The following PLEC variants were observed in gnomAD, a reference collection of about 807,000 sequenced individuals.
PLEC encodes hemidesmosomal protein 1.
A neutral mutation model predicts 392.8 loss-of-function variants in PLEC; 216 were observed. That is an observed-to-expected ratio of 0.55 (90% CI 0.49 to 0.62). The LOEUF (loss-of-function observed/expected upper bound fraction) is 0.62, where lower values mean the gene tolerates loss of function less well. Among genes scored for constraint, PLEC ranks in the 20% least tolerant of loss-of-function variants. The probability of loss-of-function intolerance (pLI) is 0.00; values close to 1 mark genes in which losing one functional copy is unlikely to be tolerated. For missense variants in PLEC, 6,863 were observed against 6,563.4 expected (o/e 1.05, Z -1.58); for synonymous variants, 3,621 against 2,980.6 (o/e 1.21, Z -7.00).
intron 1 of PLEC, among the ~76,000 whole-genome samples, chr8:143,947,705 G>T (rs1831662976): frequency 6.6e-6 from 1 of 152,194 alleles, no homozygotes; most frequent in Non-Finnish European, 1.5e-5. Context: ...AGCCAAGACT[G>T]TGCTATTGCA....
In PLEC at chr8:143,927,481, G is replaced by A. The variant is rs781861123; in HGVS notation, c.3685C>T (p.Arg1229Trp). 46 of 1,596,580 alleles carry A rather than the reference G, an allele frequency of 2.9e-5. No homozygotes were observed. The highest frequency in any genetic ancestry group is 1.7e-4 in the Middle Eastern group (1 of 6,044). Residue 1229 changes from arginine (R) to tryptophan (W), a missense_variant, in exon 27 of 32, where the codon CGG becomes TGG. Transcript: ENST00000345136. ...GGCATGGCCTGGATCTGCTCCTGCCGCCGCCTGGCGTCCTGCAGCCAGGCG... is the reference window on the plus strand; with the variant it reads ...GGCATGGCCTGGATCTGCTCCTGCCACCGCCTGGCGTCCTGCAGCCAGGCG... ...LGAWLQDARRRQEQIQAMPLA... is the reference protein window; with the variant it reads ...LGAWLQDARRWQEQIQAMPLA...
chr8:143,973,648 G>A (rs1833552978), upstream of PLEC: 1 of 557,460 alleles, frequency 1.8e-6, no homozygotes, highest in East Asian at 1.4e-4. This position sits in a 1 kb window ranked among gnomAD's most constrained non-coding sequence, Gnocchi z 5.6. Context: ...CCGGGCAGAG[G>A]GAGCCGCGTC....
intron 1 of PLEC, among the ~76,000 whole-genome samples, chr8:143,949,254 A>C (rs1831847972): frequency 6.6e-6 from 1 of 152,182 alleles, no homozygotes; most frequent in Non-Finnish European, 1.5e-5. Context: ...CCCCTTCTTC[A>C]GCCTGAGAGA....
Position 143,933,250 on chromosome 8 carries a change from G to GGA in PLEC, c.1364_1365insTC (p.Val456ProfsTer28). The GGA allele has an allele frequency of 6.2e-7, 1 of 1,613,138 alleles. No homozygotes were observed. The highest frequency in any genetic ancestry group is 8.5e-7 in the Non-Finnish European group (1 of 1,179,980). ...GCCGTCCATCCTTGAGGGTCTGCAC[G>GGA]TCGTTGAAGAGCAGCCGGATCATGC... On this transcript the variant is annotated frameshift_variant, in exon 13 of 32. Coordinates refer to ENST00000345136, the MANE Select transcript of PLEC (RefSeq NM_201384.3). LOFTEE classifies it high-confidence loss of function.
intron 1 of PLEC, among the ~76,000 whole-genome samples, chr8:143,963,809 A>ATT (rs1190132489): frequency 0.12 from 14,706 of 119,792 alleles, 1,280 homozygotes; most frequent in African/African-American, 0.15. Flanking sequence ...CACCTGGCTA[A>ATT]TTTTTTTTTT....
Position 143,919,971 on chromosome 8 carries a change from C to T in PLEC, c.9850G>A (p.Val3284Ile), listed in dbSNP as rs1554680023. 6 of 1,613,256 alleles carry T rather than the reference C, an allele frequency of 3.7e-6. No individual in the cohort carries two copies. The highest frequency in any genetic ancestry group is 2.2e-5 in the South Asian group (2 of 91,086). Residue 3284 changes from valine to isoleucine, a missense_variant, in exon 32 of 32, where the codon GTC (valine) becomes ATC (isoleucine). Coordinates refer to ENST00000345136, the MANE Select transcript of PLEC (RefSeq NM_201384.3). ...ACGATGGTAATGAGAATCTTGATGACCTTCTCCACGGTGACCTTGCCCGTG... is the reference window on the plus strand; with the variant it reads ...ACGATGGTAATGAGAATCTTGATGATCTTCTCCACGGTGACCTTGCCCGTG... ...FRTGKVTVEK[V>I]IKILITIVEE... is the part of the protein sequence containing the mutation.
At chr8:143,947,796 T>C (rs782567279) in intron 1 of PLEC, among the ~76,000 whole-genome samples, 2 of 152,036 alleles carry the variant, frequency 1.3e-5, no homozygotes, top group Non-Finnish European at 2.9e-5. Flanking sequence ...AACTCACATA[T>C]AAAAACACAT....
chr8:143,934,076 C>T lies in PLEC; in HGVS notation c.1185G>A (p.Gln395=), dbSNP rs1554720228. Residue 395 remains glutamine (Q), a synonymous_variant, in exon 12 of 32, where the codon CAG becomes CAA. Coordinates refer to ENST00000345136, the MANE Select transcript of PLEC (RefSeq NM_201384.3). ...RSEFERLECL[Q]RIVTKLQMEA... is the part of the protein sequence containing the mutation. ...CCATCTGCAGCTTGGTCACGATGCGCTGAAGACACTCCAGCCTGCAGCAGC... is the reference window on the plus strand; with the variant it reads ...CCATCTGCAGCTTGGTCACGATGCGTTGAAGACACTCCAGCCTGCAGCAGC... 6.2e-7 allele frequency: 1 copy of T among 1,611,664 alleles called. No homozygotes were observed. The highest frequency in any genetic ancestry group is 1.1e-5 in the South Asian group (1 of 90,940).
chr8:143,930,434 T>G lies in PLEC; in HGVS notation c.2407A>C (p.Met803Leu), dbSNP rs1554713831. The G allele has an allele frequency of 6.4e-7, 1 of 1,574,150 alleles. No individual in the cohort carries two copies. Among genetic ancestry groups the G allele is most frequent in the East Asian group, 2.3e-5 (1 of 42,604 alleles). ...GCCAGCAGGGGCAGGCGGCCCCGCATGGGGTGGGCTGGGTGGCGGGGCTTC... is the reference window on the plus strand; with the variant it reads ...GCCAGCAGGGGCAGGCGGCCCCGCAGGGGGTGGGCTGGGTGGCGGGGCTTC... ...QLKPRHPAHPMRGRLPLLAVC... is the reference protein window; with the variant it reads ...QLKPRHPAHPLRGRLPLLAVC... Residue 803 changes from methionine (M) to leucine (L), a missense_variant, in exon 20 of 32, where the codon ATG (methionine) becomes CTG (leucine). Transcript: ENST00000345136.
chr8:143,952,181 A>C (rs797031235), upstream of PLEC, among the ~76,000 whole-genome samples: 19 of 140,308 alleles, frequency 1.4e-4, no homozygotes, highest in African/African-American at 5.2e-4. Context: ...GCAGGCTCCA[A>C]ACACACACAC....
rs181448596 is a variant in PLEC at position 143,961,470 on chromosome 8, C to A, written c.70+11933G>T. On this transcript the variant is annotated intron_variant, in intron 1 of 31. Coordinates refer to the PLEC transcript ENST00000356346. ...CGTACTCCTGACCTCGTGATCTGCC[C>A]AACTCGGCCCCCCAAAGTGTTGGGA... Among the ~76,000 whole-genome samples the A allele has an allele frequency of 2.3e-3, 348 of 152,282 alleles. 1 individual carries two copies. Among genetic ancestry groups the A allele is most frequent in the African/African-American group, 7.6e-3 (316 of 41,546 alleles).
intron 1 of PLEC, among the ~76,000 whole-genome samples, chr8:143,949,074 G>C (rs1831827183): frequency 2.6e-5 from 4 of 152,224 alleles, no homozygotes; most frequent in Admixed American, 1.3e-4. Flanking sequence ...GATCCTCCCA[G>C]ATGGGCCCAA....
At position 143,939,382 on chromosome 8, in the gene PLEC, A is replaced by T; in HGVS notation, c.80T>A (p.Leu27Gln). The change falls in exon 1 of 32, where the codon CTG becomes CAG. Residue 27 changes from leucine to glutamine, a missense_variant. Leu to Gln is a moderately radical substitution (Grantham distance 113, BLOSUM62 -2). Transcript: ENST00000345136. ...KRTSSEDNLY[L>Q]AVLRASEGKK... The stretch of plus-strand genomic sequence containing the variant: ...GCCCTCAGAGGCCCTGAGCACAGCC[A>T]GGTACAGGTTGTCCTCCGAGCTGGT... The T allele has an allele frequency of 6.2e-7, 1 of 1,612,716 alleles. No homozygotes were observed. Among genetic ancestry groups the T allele is most frequent in the African/African-American group, 1.3e-5 (1 of 75,040 alleles).
Position 143,916,083 on chromosome 8 carries a change from G to T in PLEC, c.*94C>A. The T allele has an allele frequency of 2.5e-6, 2 of 805,850 alleles. No individual in the cohort carries two copies. Among genetic ancestry groups the T allele is most frequent in the Non-Finnish European group, 3.8e-6 (2 of 529,870 alleles). The allele number at this position is 805,850 out of a possible 1,614,324, so 49.9% of individuals were successfully genotyped here. On this transcript the variant is annotated 3_prime_UTR_variant, in exon 32 of 32. Coordinates refer to ENST00000345136, the MANE Select transcript of PLEC (RefSeq NM_201384.3). ...TTTGGTTAAACTTTAGGCACCACTT[G>T]GGAGGAAGACACCTTTAAGCGTTGA...
chr8:143,974,192 G>A (rs1403406088), upstream of PLEC, among the ~76,000 whole-genome samples: 1 of 152,228 alleles, frequency 6.6e-6, no homozygotes, highest in Non-Finnish European at 1.5e-5. This position sits in a 1 kb window ranked among gnomAD's most constrained non-coding sequence, Gnocchi z 5.9. Context: ...AACCGTCAGA[G>A]GACGCAGAGC....
chr8:143,922,728 C>G lies in PLEC; in HGVS notation c.7201G>C (p.Glu2401Gln), dbSNP rs577001346. 15 of 1,611,682 alleles carry G rather than the reference C, an allele frequency of 9.3e-6. No individual in the cohort carries two copies. In the South Asian group the frequency reaches 1.4e-4, roughly 15 times the overall value. Residue 2401 changes from glutamate (E) to glutamine (Q), a missense_variant, in exon 31 of 32, where the codon GAG becomes CAG. Coordinates refer to ENST00000345136, the MANE Select transcript of PLEC (RefSeq NM_201384.3). ...EMSRAQARAE[E>Q]DAQRFRKQAE... ...TGCTTCCGGAAGCGCTGGGCGTCCT[C>G]CTCAGCGCGGGCCTGGGCTCGGCTC...
chr8:143,936,938 A>C (rs1554723813), intron 5 of PLEC, 41 bp downstream of exon 5: 1 of 1,472,836 alleles, frequency 6.8e-7, no homozygotes, highest in Non-Finnish European at 9.5e-7. Flanking sequence ...TACCCTGGAA[A>C]CTCCTGCAGG....
At position 143,926,996 on chromosome 8, in the gene PLEC, G is replaced by A. The variant is rs1554706334; in HGVS notation, c.3926C>T (p.Ser1309Leu). The A allele has an allele frequency of 1.2e-6, 2 of 1,613,004 alleles. No homozygotes were observed. Among genetic ancestry groups the A allele is most frequent in the Non-Finnish European group, 1.7e-6 (2 of 1,179,918 alleles). The change falls in exon 29 of 32, where the codon TCA becomes TTA. Residue 1309 changes from serine to leucine, a missense_variant. Ser to Leu is a moderately radical substitution (Grantham distance 145). Transcript: ENST00000345136. ...PAKKPKVQSG[S>L]ESVIQEYVDL... ...CCCTACCTCCTGGATGACACTCTCTGATCCCGACTGGACCTTGGGCTTCTT... is the reference window on the plus strand; with the variant it reads ...CCCTACCTCCTGGATGACACTCTCTAATCCCGACTGGACCTTGGGCTTCTT...
At position 143,930,251 on chromosome 8, in the gene PLEC, C is replaced by T. The variant is rs374889070; in HGVS notation, c.2505G>A (p.Gln835=). The change falls in exon 21 of 32, where the codon CAG becomes CAA. Residue 835 remains glutamine (Q), a synonymous_variant. Transcript: ENST00000345136. Reference sequence around the variant, plus strand: ...TGCTGAGCACCTTCCAGTGGGACGGCTGTGCAGGGCCCACCAGCTGGCACT... The same window carrying T: ...TGCTGAGCACCTTCCAGTGGGACGGTTGTGCAGGGCCCACCAGCTGGCACT... ...GDECQLVGPA[Q]PSHWKVLSSS... The T allele has an allele frequency of 1.3e-6, 2 of 1,599,854 alleles. No individual in the cohort carries two copies. Among genetic ancestry groups the T allele is most frequent in the Non-Finnish European group, 8.5e-7 (1 of 1,177,852 alleles).
Sources: gnomAD v4.1 joint callset for allele counts (sites outside exome capture counted in the v4.1 genomes callset) on GRCh38, gnomAD v4.1.1 for gene constraint, Gnocchi (gnomAD v3.1) non-coding constraint, MANE v1.5 for transcripts, NCBI Gene and HGNC (gene_info 2026-07-23, HGNC 2026-07-21) for gene names.